Variants in CMIP observed in about 807,000 individuals in gnomAD.
The protein encoded by CMIP is C-Maf-inducing protein.
Under a neutral mutation model 97.3 loss-of-function variants are expected in CMIP, and 13 were observed. That is an observed-to-expected ratio of 0.13 (90% CI 0.09 to 0.21). CMIP has a LOEUF of 0.21. CMIP is among the 10% of genes least tolerant of loss of function. The pLI is 1.00. For synonymous variants in CMIP, 538 were observed against 436.3 expected, an observed-to-expected ratio of 1.23 and a Z score of -2.91; for missense variants, 847 against 1,024.9, an observed-to-expected ratio of 0.83 and a Z score of 2.37.
intron 1 of CMIP, among the ~76,000 whole-genome samples, chr16:81,578,472 C>A (rs2091239927): frequency 6.6e-6 from 1 of 152,344 alleles, no homozygotes; most frequent in Non-Finnish European, 1.5e-5. Context: ...AGGGGAAGAA[C>A]ACAGAGAGAG....
chr16:81,483,902 A>C (rs141314503), intron 1 of CMIP, among the ~76,000 whole-genome samples: 1 of 152,276 alleles, frequency 6.6e-6, no homozygotes, highest in African/African-American at 2.4e-5. Flanking sequence ...AGGGGATGGA[A>C]TTGTCTGCAT....
rs372364437 is a variant in CMIP, at chr16:81,693,202, G to C, written c.1481+18G>C. The C allele has an allele frequency of 6.2e-7, 1 of 1,608,140 alleles. No individual in the cohort carries two copies. The highest frequency in any genetic ancestry group is 8.5e-7 in the Non-Finnish European group (1 of 1,175,478). On this transcript the variant is annotated intron_variant, in intron 12 of 20. Coordinates refer to ENST00000537098, the MANE Select transcript of CMIP (RefSeq NM_198390.3). The stretch of plus-strand genomic sequence containing the variant: ...TTCACCAAGTGAGTGTCTGGGCACC[G>C]CCCTCATTCCATTCTGGCACGCACG...
At chr16:81,681,133 G>T (rs922341166) in intron 10 of CMIP, among the ~76,000 whole-genome samples, 1 of 152,210 alleles carries the variant, frequency 6.6e-6, no homozygotes, top group Non-Finnish European at 1.5e-5. Context: ...AGAGGAGCAG[G>T]TCACGCCTAT....
chr16:81,519,461 G>C (rs554917344), intron 1 of CMIP: 1 of 152,314 alleles, frequency 6.6e-6, no homozygotes, highest in Non-Finnish European at 1.5e-5. Flanking sequence ...GGTTCTCTGG[G>C]CTGTTCTCTA....
Position 81,664,326 on chromosome 16 carries a change from C to T in CMIP, c.802C>T (p.Gln268Ter). The change falls in exon 7 of 21, where the codon CAG becomes TAG. Residue 268 changes from glutamine to a stop codon, truncating the protein, a stop_gained. Transcript: ENST00000537098. LOFTEE classifies it high-confidence loss of function. Reference protein sequence around the residue: ...VVIEVFTPVVQRILKHNMDFG... With the variant: ...VVIEVFTPVV Reference sequence around the variant, plus strand: ...CATCGAGGTGTTCACCCCCGTGGTGCAGCGAATCCTCAAGCATAACATGGT... The same window carrying T: ...CATCGAGGTGTTCACCCCCGTGGTGTAGCGAATCCTCAAGCATAACATGGT... 6.3e-7 allele frequency: 1 copy of T among 1,598,518 alleles called. No homozygotes were observed. The highest frequency in any genetic ancestry group is 1.1e-5 in the South Asian group (1 of 87,820).
At chr16:81,663,700 C>T (rs1405325340) in intron 6 of CMIP, among the ~76,000 whole-genome samples, 1 of 152,136 alleles carries the variant, frequency 6.6e-6, no homozygotes, top group Non-Finnish European at 1.5e-5. Context: ...ATACGTGCTA[C>T]ATTTGTTACA....
At chr16:81,608,153 T>A (rs548419924) in intron 2 of CMIP, among the ~76,000 whole-genome samples, 2 of 152,186 alleles carry the variant, frequency 1.3e-5, no homozygotes, top group Non-Finnish European at 2.9e-5. Context: ...GCTATCTTTT[T>A]GGGAAAAAAA....
At chr16:81,553,648 G>C (rs1193547983) in intron 1 of CMIP, among the ~76,000 whole-genome samples, 2 of 152,220 alleles carry the variant, frequency 1.3e-5, no homozygotes, top group African/African-American at 4.8e-5. Flanking sequence ...GGAGAGGAAG[G>C]CTGGGCGTGC....
At chr16:81,587,842 C>T (rs2091407131) in intron 1 of CMIP, among the ~76,000 whole-genome samples, 1 of 152,230 alleles carries the variant, frequency 6.6e-6, no homozygotes, top group African/African-American at 2.4e-5. Context: ...GACTGTCCAG[C>T]CTCCTGGAGA....
At chr16:81,619,521 C>T (rs1334932067) in intron 2 of CMIP, 1 of 152,240 alleles carries the variant, frequency 6.6e-6, no homozygotes, top group Non-Finnish European at 1.5e-5. Context: ...GATGTTCGTG[C>T]TTGGAGAGAG....
chr16:81,611,442 G>A (rs937712697), intron 2 of CMIP: 24 of 152,518 alleles, frequency 1.6e-4, no homozygotes, highest in African/African-American at 5.8e-4. Flanking sequence ...GCCCAAAGAG[G>A]GCTAGTGCCC....
chr16:81,525,692 A>T (rs2090117915), intron 1 of CMIP, among the ~76,000 whole-genome samples: 1 of 152,106 alleles, frequency 6.6e-6, no homozygotes, highest in African/African-American at 2.4e-5. Context: ...TTGTCATGCG[A>T]CCATCCACCA....
At chr16:81,591,796 A>T (rs555711764) in intron 1 of CMIP, among the ~76,000 whole-genome samples, 1 of 150,464 alleles carries the variant, frequency 6.6e-6, no homozygotes, top group South Asian at 2.1e-4. Context: ...TCTGCTTGTT[A>T]TGCAGTTTAC....
rs373930207 is a variant in CMIP, at chr16:81,614,397, C to T, written c.427-6479C>T. ...ACGGGTTCTCAGGGGCTCCCACGCG[C>T]GGGCCACGGGTCACTTCAGCATGAC... On this transcript the variant is annotated intron_variant, in intron 2 of 20. Coordinates refer to ENST00000537098, the MANE Select transcript of CMIP (RefSeq NM_198390.3). This position sits in a 1 kb window ranked among gnomAD's most constrained non-coding sequence, Gnocchi z 5.3. 2.6e-5 allele frequency among the ~76,000 whole-genome samples: 4 copies of T among 152,128 alleles called. No homozygotes were observed. The highest frequency in any genetic ancestry group is 4.4e-5 in the Non-Finnish European group (3 of 68,026).
intron 2 of CMIP, chr16:81,610,291 G>C: frequency 1.0e-6 from 1 of 985,516 alleles, no homozygotes; most frequent in Non-Finnish European, 1.2e-6. Flanking sequence ...CAGGGCTTCA[G>C]GACAGAGCTG....
chr16:81,606,973 G>T (rs187443450), intron 1 of CMIP: 2 of 155,322 alleles, frequency 1.3e-5, no homozygotes, highest in Admixed American at 1.3e-4. Flanking sequence ...TGTGGAAAGG[G>T]AGAGATGCCG....
chr16:81,497,114 G>A (rs545639494), intron 1 of CMIP, among the ~76,000 whole-genome samples: 1 of 152,202 alleles, frequency 6.6e-6, no homozygotes, highest in Non-Finnish European at 1.5e-5. Flanking sequence ...GCTGGAGCTG[G>A]TGGTGCCCAT....
intron 6 of CMIP, among the ~76,000 whole-genome samples, chr16:81,663,080 G>A (rs945426252): frequency 6.3e-5 from 9 of 141,958 alleles, no homozygotes; most frequent in Non-Finnish European, 1.4e-4. Flanking sequence ...CTCTCATCTC[G>A]TCTACTTTTT....
intron 5 of CMIP, among the ~76,000 whole-genome samples, 158 bp from the exon 6 acceptor site, chr16:81,660,726 C>T (rs1171055375): frequency 6.8e-6 from 1 of 146,332 alleles, no homozygotes; most frequent in East Asian, 2.3e-4. Context: ...GGGATTTTTT[C>T]TTTTCTTTTT....
Sources: allele counts gnomAD v4.1 joint callset (sites outside exome capture counted in the v4.1 genomes callset), GRCh38; gene constraint gnomAD v4.1.1; non-coding constraint Gnocchi (gnomAD v3.1); transcripts MANE v1.5; gene names NCBI Gene and HGNC (gene_info 2026-07-23, HGNC 2026-07-21).